Variants in TENM3 observed in about 807,000 individuals in gnomAD.
TENM3 encodes the protein teneurin transmembrane protein 3.
Under a neutral mutation model 255.1 loss-of-function variants are expected in TENM3, and 63 were observed. The observed-to-expected ratio is 0.25, with a 90% CI of 0.20 to 0.30. The LOEUF (loss-of-function observed/expected upper bound fraction) is 0.30. Ranked by LOEUF, TENM3 falls within the 10% of genes least tolerant of loss-of-function variation. The pLI, the probability that TENM3 is intolerant of heterozygous loss-of-function variation, is 1.00. For synonymous variants in TENM3, 1,306 were observed against 1,322.3 expected, an observed-to-expected ratio of 0.99 and a Z score of 0.27; for missense variants, 2,929 against 3,461.1, an observed-to-expected ratio of 0.85 and a Z score of 3.86.
At chr4:182,101,134 G>A in the TENM3 span, among the ~76,000 whole-genome samples, 1 of 101,208 alleles carries the variant, frequency 9.9e-6, no homozygotes, top group Admixed American at 9.6e-5. Flanking sequence ...AAAGAAGGAA[G>A]GAAGGAAAGA....
chr4:181,722,363 T>C, the TENM3 span, among the ~76,000 whole-genome samples: 1 of 152,318 alleles, frequency 6.6e-6, no homozygotes, highest in South Asian at 2.1e-4. Flanking sequence ...CCTCCAATGA[T>C]GACAATTGCC....
chr4:181,813,125 A>C, the TENM3 span, among the ~76,000 whole-genome samples: 5 of 152,188 alleles, frequency 3.3e-5, no homozygotes, highest in Non-Finnish European at 2.9e-5. Context: ...CAGATTCTGC[A>C]ACTGGTGAGG....
At chr4:181,902,050 CT>C in the TENM3 span, among the ~76,000 whole-genome samples, 1 of 151,910 alleles carries the variant, frequency 6.6e-6, no homozygotes, top group African/African-American at 2.4e-5. Flanking sequence ...AAACGTATGG[CT>C]TTGCATAAAA....
At chr4:182,251,907 G>A (rs1031383032) in intron 1 of TENM3, among the ~76,000 whole-genome samples, 7 of 152,174 alleles carry the variant, frequency 4.6e-5, no homozygotes, top group Non-Finnish European at 8.8e-5. Flanking sequence ...TTGCTGGCAG[G>A]TGCTGTGGCT....
At chr4:181,798,244 A>G in the TENM3 span, among the ~76,000 whole-genome samples, 1 of 152,074 alleles carries the variant, frequency 6.6e-6, no homozygotes, top group African/African-American at 2.4e-5. Context: ...TAAGAGACGC[A>G]TCTTGGGTCA....
At chr4:181,642,522 GT>G in the TENM3 span, among the ~76,000 whole-genome samples, 249 of 152,254 alleles carry the variant, frequency 1.6e-3, 1 homozygote, top group African/African-American at 5.5e-3. Context: ...TGCTTTTGGT[GT>G]CTTAGACATG....
chr4:182,379,406 C>A (rs1767413328), intron 3 of TENM3, among the ~76,000 whole-genome samples: 3 of 152,052 alleles, frequency 2.0e-5, no homozygotes, highest in Admixed American at 2.0e-4. Flanking sequence ...AAAAATGGGG[C>A]AGGGAAAAGG....
the TENM3 span, among the ~76,000 whole-genome samples, chr4:181,542,494 C>T: frequency 6.6e-6 from 1 of 152,082 alleles, no homozygotes; most frequent in Admixed American, 6.6e-5. Flanking sequence ...AGTAAGGTTA[C>T]CTGTTAATAT....
At chr4:182,648,523 C>T (rs1023908174) in intron 5 of TENM3, among the ~76,000 whole-genome samples, 2 of 152,190 alleles carry the variant, frequency 1.3e-5, no homozygotes, top group African/African-American at 4.8e-5. Context: ...TCAAGTGATC[C>T]GCCCACCTCA....
At chr4:181,860,786 G>A in the TENM3 span, among the ~76,000 whole-genome samples, 2 of 152,118 alleles carry the variant, frequency 1.3e-5, no homozygotes. Flanking sequence ...TACTTAGAAG[G>A]AATCATAGTT....
chr4:182,458,111 C>A (rs1356386398), intron 3 of TENM3, among the ~76,000 whole-genome samples: 1 of 151,956 alleles, frequency 6.6e-6, no homozygotes, highest in East Asian at 1.9e-4. Context: ...TATTGTTCTC[C>A]TGTTTTTGTT....
the TENM3 span, among the ~76,000 whole-genome samples, chr4:182,102,200 T>C: frequency 1.3e-5 from 2 of 152,164 alleles, no homozygotes; most frequent in Non-Finnish European, 2.9e-5. Flanking sequence ...AAGGAGACAC[T>C]GAGCTGCCAG....
At chr4:181,843,344 G>T in the TENM3 span, among the ~76,000 whole-genome samples, 8 of 152,174 alleles carry the variant, frequency 5.3e-5, no homozygotes, top group Non-Finnish European at 1.0e-4. Context: ...TTGAAACATA[G>T]TCCTAACAAG....
chr4:181,899,782 G>A, the TENM3 span, among the ~76,000 whole-genome samples: 1 of 152,104 alleles, frequency 6.6e-6, no homozygotes, highest in South Asian at 2.1e-4. Context: ...TGGCCAGGAT[G>A]GTCTCAATCT....
intron 6 of TENM3, among the ~76,000 whole-genome samples, chr4:182,666,543 G>T (rs1296562610): frequency 1.3e-5 from 2 of 152,170 alleles, no homozygotes; most frequent in African/African-American, 4.8e-5. Context: ...GACTTGATCA[G>T]ATGATCGGTA....
At chr4:181,918,369 G>A in the TENM3 span, among the ~76,000 whole-genome samples, 1 of 152,056 alleles carries the variant, frequency 6.6e-6, no homozygotes, top group African/African-American at 2.4e-5. Flanking sequence ...AAAGCAGAAG[G>A]TAAATATATT....
At chr4:181,926,177 A>G in the TENM3 span, among the ~76,000 whole-genome samples, 12 of 152,206 alleles carry the variant, frequency 7.9e-5, no homozygotes, top group Non-Finnish European at 1.6e-4. Context: ...ATTAGAAACA[A>G]TCCTTGCGGT....
At chr4:182,369,615 T>C (rs1314774798) in intron 3 of TENM3, among the ~76,000 whole-genome samples, 1 of 152,194 alleles carries the variant, frequency 6.6e-6, no homozygotes, top group African/African-American at 2.4e-5. Context: ...GTGTAGTGGC[T>C]CATGCCTGTA....
At chr4:182,290,148 T>C (rs933183132) in intron 1 of TENM3, among the ~76,000 whole-genome samples, 7 of 152,170 alleles carry the variant, frequency 4.6e-5, no homozygotes, top group Non-Finnish European at 7.4e-5. Context: ...GGCGGGGCAG[T>C]GTCTTATTCT....
Sources: allele counts gnomAD v4.1 joint callset (sites outside exome capture counted in the v4.1 genomes callset), GRCh38; gene constraint gnomAD v4.1.1; transcripts MANE v1.5; gene names NCBI Gene and HGNC (gene_info 2026-07-23, HGNC 2026-07-21).